Variants in MEI4 observed in about 807,000 individuals in gnomAD.
MEI4 encodes meiotic double-stranded break formation protein 4, also known as meiosis-specific protein MEI4.
In MEI4, 27 loss-of-function variants were observed where a neutral mutation model predicts 31.4. That is an observed-to-expected ratio of 0.86 (90% CI 0.63 to 1.19). The LOEUF (loss-of-function observed/expected upper bound fraction) is 1.19, where lower values mean the gene tolerates loss of function less well. Among genes scored for constraint, MEI4 ranks in the 50% most tolerant of loss-of-function variants. MEI4 has a pLI of 0.00. For synonymous variants in MEI4, 122 were observed against 145.4 expected (o/e 0.84, Z 1.16); for missense variants, 329 against 398.9 (o/e 0.82, Z 1.49).
intron 2 of MEI4, among the ~76,000 whole-genome samples, chr6:77,706,987 A>G (rs1766346493): frequency 1.3e-5 from 2 of 148,816 alleles, no homozygotes; most frequent in South Asian, 2.1e-4. Context: ...AATTGGTACT[A>G]AACAATGTGA....
chr6:77,872,197 T>G (rs567563567), intron 4 of MEI4, among the ~76,000 whole-genome samples: 15 of 152,268 alleles, frequency 9.9e-5, no homozygotes, highest in African/African-American at 2.9e-4. Context: ...TTTTTGTTTT[T>G]GGGGAATTTT....
chr6:77,802,425 A>G (rs1311244697), intron 3 of MEI4, among the ~76,000 whole-genome samples: 2 of 152,060 alleles, frequency 1.3e-5, no homozygotes, highest in South Asian at 2.1e-4. Flanking sequence ...TCTTTATCCA[A>G]TTTGCCAGTC....
chr6:77,790,717 G>A (rs1387752841), intron 3 of MEI4, among the ~76,000 whole-genome samples: 1 of 151,928 alleles, frequency 6.6e-6, no homozygotes, highest in African/African-American at 2.4e-5. Context: ...AAAAGTGAAG[G>A]ATAAAGAGAG....
intron 4 of MEI4, among the ~76,000 whole-genome samples, chr6:77,916,286 A>G (rs1766545302): frequency 6.6e-6 from 1 of 151,938 alleles, no homozygotes. Context: ...TTGTTGCTGG[A>G]GAATTACTGT....
rs1239589008 is a variant in MEI4, at chr6:77,841,333, A to ATTTTTTTT, written c.900+12287_900+12294dup. ...TGTGTGCATATATATATATATATAT[A>ATTTTTTTT]TTTTTTTTTTTTTTTTTTTTTTTGA... On this transcript the variant is annotated intron_variant, in intron 4 of 4. Coordinates refer to ENST00000684080, the MANE Select transcript of MEI4 (RefSeq NM_001322247.2). Among the ~76,000 whole-genome samples the ATTTTTTTT allele has an allele frequency of 6.9e-3, 191 of 27,742 alleles. 7 individuals are homozygous for ATTTTTTTT. The highest frequency in any genetic ancestry group is 8.6e-3 in the Non-Finnish European group (164 of 19,156). The allele number at this position is 27,742 out of a possible 152,430, so 18.2% of individuals were successfully genotyped here.
chr6:77,732,969 G>T (rs1213043111), intron 2 of MEI4, among the ~76,000 whole-genome samples: 4 of 151,194 alleles, frequency 2.6e-5, no homozygotes, highest in Non-Finnish European at 4.4e-5. Flanking sequence ...GCATCCCAGG[G>T]ATGAAGCCCA....
At chr6:77,694,861 T>C (rs1429234931) in intron 2 of MEI4, among the ~76,000 whole-genome samples, 5 of 151,256 alleles carry the variant, frequency 3.3e-5, no homozygotes, top group African/African-American at 4.9e-5. Context: ...ATGGTTGAAC[T>C]AGTTTACAGT....
intron 2 of MEI4, among the ~76,000 whole-genome samples, chr6:77,753,933 G>C (rs1465437798): frequency 2.0e-5 from 3 of 152,166 alleles, no homozygotes; most frequent in African/African-American, 4.8e-5. Flanking sequence ...GAAAAAGGAT[G>C]AGTTCATGTC....
intron 1 of MEI4, among the ~76,000 whole-genome samples, chr6:77,654,238 G>A (rs184497551): frequency 4.6e-5 from 7 of 152,222 alleles, no homozygotes; most frequent in African/African-American, 1.4e-4. Flanking sequence ...ATGATTGATG[G>A]CTAAAAGCTC....
intron 4 of MEI4, among the ~76,000 whole-genome samples, chr6:77,919,182 C>G (rs1414331443): frequency 6.6e-6 from 1 of 151,974 alleles, no homozygotes; most frequent in African/African-American, 2.4e-5. Context: ...CACCCCAAAT[C>G]AACAGAATAT....
At chr6:77,696,825 G>C (rs1220729570) in intron 2 of MEI4, among the ~76,000 whole-genome samples, 1 of 152,110 alleles carries the variant, frequency 6.6e-6, no homozygotes, top group Non-Finnish European at 1.5e-5. Flanking sequence ...GATTGGAATA[G>C]TTTCAGAAGG....
At chr6:77,757,043 G>A (rs1455822193) in intron 2 of MEI4, among the ~76,000 whole-genome samples, 2 of 152,166 alleles carry the variant, frequency 1.3e-5, no homozygotes, top group Non-Finnish European at 2.9e-5. Context: ...GTCATTGGAA[G>A]GTGATTGGAC....
chr6:77,742,108 G>A (rs1029336518), intron 2 of MEI4, among the ~76,000 whole-genome samples: 1 of 152,226 alleles, frequency 6.6e-6, no homozygotes, highest in African/African-American at 2.4e-5. Context: ...ATAGCAGCAT[G>A]ATTTATAGTC....
intron 1 of MEI4, among the ~76,000 whole-genome samples, chr6:77,666,309 A>G (rs1035848301): frequency 6.6e-6 from 1 of 152,164 alleles, no homozygotes; most frequent in Non-Finnish European, 1.5e-5. Flanking sequence ...GGAACAAATC[A>G]CAATAGTGGA....
At chr6:77,864,216 A>G (rs978779641) in intron 4 of MEI4, among the ~76,000 whole-genome samples, 4 of 152,324 alleles carry the variant, frequency 2.6e-5, no homozygotes, top group Non-Finnish European at 5.9e-5. Context: ...GCAGGATCAA[A>G]TTCACATATA....
intron 3 of MEI4, among the ~76,000 whole-genome samples, chr6:77,769,912 C>A (rs1768268793): frequency 6.6e-6 from 1 of 151,744 alleles, no homozygotes; most frequent in South Asian, 2.1e-4. Context: ...CAGGTGTGAC[C>A]CAGCACATTC....
At chr6:77,835,400 AC>A (rs747437798) in intron 4 of MEI4, among the ~76,000 whole-genome samples, 19,108 of 131,030 alleles carry the variant, frequency 0.15, 1,582 homozygotes, top group East Asian at 0.25. Flanking sequence ...ACACACACAC[AC>A]ACAAATAAAA....
chr6:77,722,331 G>C (rs1766727950), intron 2 of MEI4, among the ~76,000 whole-genome samples: 1 of 148,592 alleles, frequency 6.7e-6, no homozygotes, highest in African/African-American at 2.5e-5. Context: ...TTTTCTAACT[G>C]TTCATTTGCT....
chr6:77,819,692 C>G (rs1331245313), intron 3 of MEI4, among the ~76,000 whole-genome samples: 1 of 152,048 alleles, frequency 6.6e-6, no homozygotes, highest in African/African-American at 2.4e-5. Context: ...TAAAGAGGCC[C>G]AATAGCTAAT....
Sources: allele counts gnomAD v4.1 joint callset (sites outside exome capture counted in the v4.1 genomes callset), GRCh38; gene constraint gnomAD v4.1.1; transcripts MANE v1.5; gene names NCBI Gene and HGNC (gene_info 2026-07-23, HGNC 2026-07-21).